Variants in TMED3 observed in about 807,000 individuals in gnomAD.
TMED3 encodes transmembrane p24 trafficking protein 3.
Under a neutral mutation model 15.0 loss-of-function variants are expected in TMED3, and 9 were observed. The observed-to-expected ratio is 0.60, with a 90% confidence interval of 0.36 to 1.04. The LOEUF (loss-of-function observed/expected upper bound fraction) is 1.04. TMED3 is among the 50% of genes least tolerant of loss of function. The pLI, the probability that TMED3 is intolerant of heterozygous loss-of-function variation, is 0.01. For missense variants in TMED3, 267 were observed against 278.9 expected (o/e 0.96, Z 0.30); for synonymous variants, 117 against 121.4 (o/e 0.96, Z 0.24).
chr15:79,366,666 A>G (rs573324590), intron 2 of TMED3, among the ~76,000 whole-genome samples: 1 of 152,306 alleles, frequency 6.6e-6, no homozygotes, highest in East Asian at 1.9e-4. Flanking sequence ...CCATCTCACC[A>G]TTATCCACAT....
chr15:79,402,903 C>A (rs1409918620), intron 2 of TMED3, among the ~76,000 whole-genome samples: 1 of 152,036 alleles, frequency 6.6e-6, no homozygotes, highest in Non-Finnish European at 1.5e-5. Flanking sequence ...GGCCAGAGAG[C>A]CTTGTGAAGG....
intron 2 of TMED3, among the ~76,000 whole-genome samples, chr15:79,357,396 G>A (rs2058923490): frequency 7.3e-6 from 1 of 137,700 alleles, no homozygotes; most frequent in African/African-American, 2.7e-5. Flanking sequence ...GAGGCAGTAG[G>A]ATTGCTTAAG....
At chr15:79,397,236 G>A (rs770916857) in intron 2 of TMED3, among the ~76,000 whole-genome samples, 2 of 151,954 alleles carry the variant, frequency 1.3e-5, no homozygotes, top group Non-Finnish European at 1.5e-5. Context: ...CTAGAACTTC[G>A]TTCCTGGTTC....
intron 2 of TMED3, among the ~76,000 whole-genome samples, chr15:79,352,638 G>A: frequency 7.0e-6 from 1 of 142,054 alleles, no homozygotes; most frequent in East Asian, 2.0e-4. Flanking sequence ...ATTTCTCAAA[G>A]CGGAAAACAC....
At chr15:79,403,866 T>C (rs868391102) in intron 2 of TMED3, among the ~76,000 whole-genome samples, 32 of 152,244 alleles carry the variant, frequency 2.1e-4, no homozygotes, top group African/African-American at 6.8e-4. Context: ...TCTTGGTTCC[T>C]GAATATGTAC....
At chr15:79,360,325 CCCAGGTTT>C (rs1032579805) in intron 2 of TMED3, among the ~76,000 whole-genome samples, 27 of 152,178 alleles carry the variant, frequency 1.8e-4, no homozygotes, top group African/African-American at 6.5e-4. Context: ...AAGTAGAGGG[CCCAGGTTT>C]CTGTGGGATA....
chr15:79,410,347 G>A lies in TMED3; in HGVS notation c.418-1053G>A, dbSNP rs1292838156. ...TGAAAAGACCCAATTTTTCCCATCG[G>A]AATGAAGCATCTGTTCCTTATTACT... is the stretch of plus-strand genomic sequence containing the variant. On this transcript the variant is annotated intron_variant, in intron 2 of 2. Coordinates refer to the TMED3 transcript ENST00000424155. 4.6e-5 allele frequency among the ~76,000 whole-genome samples: 7 copies of A among 152,178 alleles called. No homozygotes were observed. The South Asian group carries it at 1.5e-3, about 32-fold the overall frequency.
intron 2 of TMED3, among the ~76,000 whole-genome samples, chr15:79,403,665 A>C (rs1415642103): frequency 6.6e-6 from 1 of 151,924 alleles, no homozygotes. Context: ...GGCATGAGAA[A>C]CTCAAAATGA....
At position 79,322,059 on chromosome 15, in the gene TMED3, C is replaced by T. The variant is rs369528043; in HGVS notation, c.499C>T (p.Gln167Ter). ...SQTHYRLREA[Q>*]DRARAEDLNS... is the part of the protein sequence containing the mutation. ...GACGCATTACCGGCTGCGGGAGGCC[C>T]AGGACCGGGCCCGAGCAGAAGACCT... is the stretch of plus-strand genomic sequence containing the variant. The change falls in exon 3 of 3, where the codon CAG (glutamine) becomes TAG (stop). Residue 167 changes from glutamine to a stop codon, truncating the protein, a stop_gained. Coordinates refer to ENST00000299705, the MANE Select transcript of TMED3 (RefSeq NM_007364.4). LOFTEE classifies it high-confidence loss of function. 4 of 1,614,100 alleles carry T rather than the reference C, an allele frequency of 2.5e-6. No individual in the cohort carries two copies. Among genetic ancestry groups the T allele is most frequent in the Non-Finnish European group, 3.4e-6 (4 of 1,180,036 alleles).
chr15:79,362,756 A>G (rs1436216958), intron 2 of TMED3, among the ~76,000 whole-genome samples: 8 of 152,172 alleles, frequency 5.3e-5, no homozygotes, highest in African/African-American at 1.9e-4. Context: ...GCCTGCTGCC[A>G]TGTAAGATGT....
chr15:79,387,226 G>A (rs1893637714), intron 2 of TMED3, among the ~76,000 whole-genome samples: 4 of 152,042 alleles, frequency 2.6e-5, no homozygotes, highest in Admixed American at 2.6e-4. Context: ...TGTTTTTAGT[G>A]TTTTAGAAAG....
chr15:79,341,159 A>G (rs1201786111), intron 2 of TMED3, among the ~76,000 whole-genome samples: 8 of 126,848 alleles, frequency 6.3e-5, no homozygotes, highest in African/African-American at 1.2e-4. Context: ...ATGCCACTGC[A>G]TTCAGCCTGA....
rs148679775 is a variant in TMED3, at chr15:79,322,196, C to A, written c.636C>A (p.Ser212Arg). The A allele has an allele frequency of 5.6e-5, 91 of 1,613,562 alleles. No individual in the cohort carries two copies. The highest frequency in any genetic ancestry group is 1.6e-4 in the Middle Eastern group (1 of 6,080). ...TCTTCACAGAAAAACGACCCATCAG[C>A]AGGGCAGTCCACTCCTAGCCCCGGC... ...KSFFTEKRPI[S>R]RAVHS The change falls in exon 3 of 3, where the codon AGC (serine) becomes AGA (arginine). Residue 212 changes from serine to arginine, a missense_variant. Transcript: ENST00000299705.
downstream of TMED3, chr15:79,322,992 GA>G: frequency 1.3e-6 from 1 of 754,916 alleles, no homozygotes; most frequent in Non-Finnish European, 1.6e-6. Flanking sequence ...GGCAAGAAAT[GA>G]CTCCTCCCAG....
In TMED3 at chr15:79,311,174, G is replaced by A; in HGVS notation, c.-76G>A. 1 of 1,482,992 alleles carries A rather than the reference G, an allele frequency of 6.7e-7. No individual in the cohort carries two copies. The highest frequency in any genetic ancestry group is 9.0e-7 in the Non-Finnish European group (1 of 1,114,208). The allele number at this position is 1,482,992 out of a possible 1,614,324, so 91.9% of individuals were successfully genotyped here. On this transcript the variant is annotated 5_prime_UTR_variant, in exon 1 of 3. Transcript: ENST00000299705. ...ATCCCCTTACATCCTCCTAGGACCC[G>A]GTCGGTAGTCGTCGCCCCAGCCCGC...
intron 2 of TMED3, among the ~76,000 whole-genome samples, chr15:79,333,361 C>T (rs79220463): frequency 7.2e-4 from 109 of 152,316 alleles, no homozygotes; most frequent in African/African-American, 2.5e-3. Flanking sequence ...TTGTTAACTC[C>T]TCCCTGCTCA....
chr15:79,335,397 C>G (rs1329940515), intron 2 of TMED3, among the ~76,000 whole-genome samples: 1 of 152,176 alleles, frequency 6.6e-6, no homozygotes, highest in Non-Finnish European at 1.5e-5. Flanking sequence ...CAAACTATTT[C>G]TTGACATTTA....
At chr15:79,336,370 C>T (rs1309895179) in intron 2 of TMED3, among the ~76,000 whole-genome samples, 1 of 152,134 alleles carries the variant, frequency 6.6e-6, no homozygotes, top group Non-Finnish European at 1.5e-5. Flanking sequence ...AAACAAACTA[C>T]ATTAGGGCTG....
At chr15:79,311,907 A>C (rs1201209149) in intron 1 of TMED3, among the ~76,000 whole-genome samples, 1 of 152,266 alleles carries the variant, frequency 6.6e-6, no homozygotes, top group Middle Eastern at 3.4e-3. Context: ...CAGAAGTGAG[A>C]ATGGGCACTT....
Sources: gnomAD v4.1 joint callset for allele counts (sites outside exome capture counted in the v4.1 genomes callset) on GRCh38, gnomAD v4.1.1 for gene constraint, MANE v1.5 for transcripts, NCBI Gene and HGNC (gene_info 2026-07-23, HGNC 2026-07-21) for gene names.